Variants in C2orf49 observed in about 807,000 individuals in gnomAD.
The protein encoded by C2orf49 is tRNA splicing ligase complex subunit 2.
In C2orf49, 11 loss-of-function variants were observed where a neutral mutation model predicts 20.6. The ratio of observed to expected loss-of-function variants is 0.53; its 90% CI spans 0.34 to 0.88. The LOEUF (loss-of-function observed/expected upper bound fraction) is 0.88. Ranked by LOEUF, C2orf49 falls within the 40% of genes least tolerant of loss-of-function variation. The pLI, the probability that C2orf49 is intolerant of heterozygous loss-of-function variation, is 0.02. For missense variants in C2orf49, 289 were observed against 274.2 expected (o/e 1.05, Z -0.38); for synonymous variants, 134 against 108.5 (o/e 1.24, Z -1.46).
chr2:105,359,643 G>A, the C2orf49 span: 1 of 152,174 alleles, frequency 6.6e-6, no homozygotes, highest in African/African-American at 2.4e-5. Flanking sequence ...ACTGTATACT[G>A]CTATCTGAGA....
At chr2:105,368,334 G>GT in the C2orf49 span, among the ~76,000 whole-genome samples, 81 of 151,728 alleles carry the variant, frequency 5.3e-4, no homozygotes, top group African/African-American at 1.4e-3. Context: ...CCTACATGTA[G>GT]TTTTTTTTTG....
downstream of C2orf49, among the ~76,000 whole-genome samples, chr2:105,349,441 C>T (rs1326358149): frequency 2.0e-5 from 3 of 152,134 alleles, no homozygotes; most frequent in African/African-American, 7.2e-5. Flanking sequence ...TTTGTCTGGA[C>T]AGAAGAGACA....
downstream of C2orf49, among the ~76,000 whole-genome samples, chr2:105,352,429 G>GTTTTTTTTTTTTTTTTTTTTTT (rs61585149): frequency 2.5e-5 from 2 of 80,758 alleles, no homozygotes; most frequent in Non-Finnish European, 4.3e-5. Context: ...GTTTGTTTGG[G>GTTTTTTTTTTTTTTTTTTTTTT]TTTTTTTTTT....
At chr2:105,343,269 A>G (rs1558667259) in intron 3 of C2orf49, 46 bp downstream of exon 3, 1 of 1,516,082 alleles carries the variant, frequency 6.6e-7, no homozygotes. Context: ...TCTGAATGAA[A>G]CTTGAGCAGT....
At chr2:105,369,284 C>T in the C2orf49 span, among the ~76,000 whole-genome samples, 1 of 152,172 alleles carries the variant, frequency 6.6e-6, no homozygotes, top group Non-Finnish European at 1.5e-5. Flanking sequence ...AGTCTATAGA[C>T]TAGTCCATAG....
At chr2:105,378,599 G>T in the C2orf49 span, 1 of 159,094 alleles carries the variant, frequency 6.3e-6, no homozygotes, top group Non-Finnish European at 1.4e-5. Context: ...AAGTGCCTTT[G>T]CCTGCCCAGG....
the C2orf49 span, among the ~76,000 whole-genome samples, chr2:105,365,166 C>G: frequency 7.2e-5 from 11 of 152,172 alleles, no homozygotes; most frequent in African/African-American, 2.7e-4. Context: ...CCACCCTGGC[C>G]CCCAACTCCT....
rs10533537 is a variant in C2orf49, at chr2:105,348,527, C to CATATATATATAT, written c.*3175_*3186dup. ...AAGTAAAACTGCCAGTAGATTAAAT[C>CATATATATATAT]ATATATATATATATATATATATATA... On this transcript the variant is annotated 3_prime_UTR_variant, in exon 4 of 4. Transcript: ENST00000258457. The CATATATATATAT allele has an allele frequency of 2.5e-4, 33 of 132,404 alleles. No homozygotes were observed. Among genetic ancestry groups the CATATATATATAT allele is most frequent in the East Asian group, 4.5e-4 (2 of 4,422 alleles). 8.2% of individuals were successfully genotyped at this position (132,404 alleles called of 1,614,324 possible).
the C2orf49 span, among the ~76,000 whole-genome samples, chr2:105,365,539 A>T: frequency 6.6e-6 from 1 of 152,164 alleles, no homozygotes; most frequent in South Asian, 2.1e-4. Context: ...AAACCAAAAT[A>T]AAAATAAAAA....
the C2orf49 span, chr2:105,363,116 T>C: frequency 1.6e-6 from 1 of 620,588 alleles, no homozygotes; most frequent in East Asian, 2.8e-5. Flanking sequence ...TGCTGAAGCA[T>C]AGCCAGTGCA....
the C2orf49 span, among the ~76,000 whole-genome samples, chr2:105,379,411 G>A: frequency 2.1e-3 from 315 of 152,186 alleles, 2 homozygotes; most frequent in Middle Eastern, 0.01. Flanking sequence ...AAAGCTCCAC[G>A]TTGGTAACTC....
Position 105,345,502 on chromosome 2 carries a change from AAT to A in C2orf49, c.*133_*134del. The A allele has an allele frequency of 6.8e-5, 50 of 739,190 alleles. No homozygotes were observed. The highest frequency in any genetic ancestry group is 9.1e-5 in the Non-Finnish European group (41 of 451,674). 45.8% of individuals were successfully genotyped at this position (739,190 alleles called of 1,614,324 possible). A position where few individuals can be genotyped will look rare whatever the true frequency, so the allele number is the denominator to read the frequency against. ...AAGAGGTTTCAAATAGGTTTAAAAA[AAT>A]AAAGGATTTATTTTCCTTCCCTTCT... On this transcript the variant is annotated 3_prime_UTR_variant, in exon 4 of 4. Transcript: ENST00000258457.
At chr2:105,370,213 C>CCT in the C2orf49 span, among the ~76,000 whole-genome samples, 1 of 151,728 alleles carries the variant, frequency 6.6e-6, no homozygotes, top group East Asian at 1.9e-4. Context: ...TCTCTACCCC[C>CCT]CCAAAAAAAA....
chr2:105,378,454 T>A, the C2orf49 span: 2 of 282,996 alleles, frequency 7.1e-6, no homozygotes, highest in African/African-American at 4.4e-5. Context: ...TCGCCTTGGC[T>A]CCTGCCAGAT....
chr2:105,384,304 T>C, the C2orf49 span, among the ~76,000 whole-genome samples: 10 of 152,150 alleles, frequency 6.6e-5, no homozygotes, highest in African/African-American at 2.4e-4. Context: ...GTTTCCAAAA[T>C]GAAAAGCGAC....
the C2orf49 span, among the ~76,000 whole-genome samples, chr2:105,377,390 G>A: frequency 6.6e-6 from 1 of 152,164 alleles, no homozygotes; most frequent in African/African-American, 2.4e-5. Context: ...CAGCACTTTG[G>A]GAGGCCGAGG....
At position 105,342,835 on chromosome 2, in the gene C2orf49, T is replaced by G. The variant is rs750484517; in HGVS notation, c.267-13T>G. On this transcript the variant is annotated splice_polypyrimidine_tract_variant and intron_variant, in intron 2 of 3. Coordinates refer to ENST00000258457, the MANE Select transcript of C2orf49 (RefSeq NM_024093.3). ...AGATGGTATTTTTCAAGAGTGCATC[T>G]CTTTGATTTCAGGAGTAGCACTGTA... is the stretch of plus-strand genomic sequence containing the variant. 3 of 1,595,232 alleles carry G rather than the reference T, an allele frequency of 1.9e-6. No homozygotes were observed. The East Asian group carries it at 6.7e-5, about 36-fold the overall frequency.
the C2orf49 span, among the ~76,000 whole-genome samples, chr2:105,366,077 C>T: frequency 6.6e-6 from 1 of 151,810 alleles, no homozygotes; most frequent in Non-Finnish European, 1.5e-5. Flanking sequence ...GGCATGGTGA[C>T]GCACGCCTGT....
the C2orf49 span, among the ~76,000 whole-genome samples, chr2:105,364,429 G>T: frequency 6.6e-6 from 1 of 152,160 alleles, no homozygotes; most frequent in East Asian, 1.9e-4. Context: ...GGAAGTTTTG[G>T]GAAAAATAAG....
Sources: gnomAD v4.1 joint callset for allele counts (sites outside exome capture counted in the v4.1 genomes callset) on GRCh38, gnomAD v4.1.1 for gene constraint, MANE v1.5 for transcripts, NCBI Gene and HGNC (gene_info 2026-07-23, HGNC 2026-07-21) for gene names.